GRIN2A: variants seen among roughly 807,000 people sequenced by gnomAD.
The protein encoded by GRIN2A is glutamate ionotropic receptor NMDA type subunit 2A.
A neutral mutation model predicts 113.4 loss-of-function variants in GRIN2A; 22 were observed. The ratio of observed to expected loss-of-function variants is 0.19; its 90% confidence interval spans 0.14 to 0.28. The LOEUF (loss-of-function observed/expected upper bound fraction) is 0.28, where lower values mean the gene tolerates loss of function less well. GRIN2A is among the 10% of genes least tolerant of loss of function. The pLI, the probability that GRIN2A is intolerant of heterozygous loss-of-function variation, is 1.00. For missense variants in GRIN2A, 1,502 were observed against 1,887.0 expected, an observed-to-expected ratio of 0.80 and a Z score of 3.78; for synonymous variants, 827 against 738.4, an observed-to-expected ratio of 1.12 and a Z score of -1.94.
intron 2 of GRIN2A, among the ~76,000 whole-genome samples, chr16:10,129,778 G>A (rs996498251): frequency 6.6e-6 from 1 of 152,228 alleles, no homozygotes; most frequent in African/African-American, 2.4e-5. Flanking sequence ...AGATGCATGT[G>A]ATTCAAGATA....
intron 10 of GRIN2A, among the ~76,000 whole-genome samples, chr16:9,817,240 G>C (rs1421329674): frequency 2.0e-5 from 3 of 152,148 alleles, no homozygotes; most frequent in Non-Finnish European, 4.4e-5. Context: ...ACAATGAATA[G>C]TGTGTTGGAC....
chr16:10,110,941 T>C (rs961654695), intron 2 of GRIN2A, among the ~76,000 whole-genome samples: 6 of 152,360 alleles, frequency 3.9e-5, no homozygotes, highest in Admixed American at 1.3e-4. Context: ...CAGTTTCTGC[T>C]ATTCAGGGAT....
At chr16:9,937,844 C>A in intron 3 of GRIN2A, 115 bp downstream of exon 3, 1 of 759,736 alleles carries the variant, frequency 1.3e-6, no homozygotes, top group Non-Finnish European at 2.3e-6. Flanking sequence ...CGTAAGTAAA[C>A]ACATAACATT....
At chr16:10,101,450 C>T (rs914016773) in intron 2 of GRIN2A, among the ~76,000 whole-genome samples, 15 of 152,148 alleles carry the variant, frequency 9.9e-5, no homozygotes, top group East Asian at 1.9e-4. Context: ...CTCCGAGCGC[C>T]GTGGAAGAGA....
intron 2 of GRIN2A, among the ~76,000 whole-genome samples, chr16:10,028,273 T>A (rs2046858914): frequency 6.6e-6 from 1 of 152,184 alleles, no homozygotes; most frequent in Non-Finnish European, 1.5e-5. Flanking sequence ...AGTCAGTAAG[T>A]GGCACAGCCA....
intron 4 of GRIN2A, among the ~76,000 whole-genome samples, chr16:9,869,519 T>TA (rs1478133253): frequency 6.6e-6 from 1 of 152,156 alleles, no homozygotes; most frequent in East Asian, 1.9e-4. Flanking sequence ...TTATCAACTA[T>TA]AATTATCTCT....
chr16:10,036,819 T>A (rs1473196831), intron 2 of GRIN2A, among the ~76,000 whole-genome samples: 4 of 152,038 alleles, frequency 2.6e-5, no homozygotes, highest in African/African-American at 9.7e-5. Context: ...CTGTGTCCAA[T>A]TTTCCCCTTT....
At chr16:9,788,507 C>T (rs906215656) in intron 11 of GRIN2A, among the ~76,000 whole-genome samples, 5 of 152,068 alleles carry the variant, frequency 3.3e-5, no homozygotes, top group Non-Finnish European at 7.4e-5. Flanking sequence ...ATTCACCTAC[C>T]TTGGCCTCCT....
intron 11 of GRIN2A, among the ~76,000 whole-genome samples, chr16:9,785,203 T>G (rs977184809): frequency 5.3e-4 from 80 of 152,014 alleles, no homozygotes; most frequent in Non-Finnish European, 9.9e-4. Flanking sequence ...TGTCCAACAA[T>G]GATAGACTGG....
intron 4 of GRIN2A, among the ~76,000 whole-genome samples, chr16:9,853,359 CA>C (rs2042916595): frequency 6.6e-6 from 1 of 152,154 alleles, no homozygotes; most frequent in African/African-American, 2.4e-5. Flanking sequence ...CTGATTAGGT[CA>C]TGAAGGTGGA....
chr16:9,929,134 C>T (rs1361158823), intron 3 of GRIN2A, among the ~76,000 whole-genome samples: 3 of 152,154 alleles, frequency 2.0e-5, no homozygotes, highest in African/African-American at 4.8e-5. Flanking sequence ...TGGTTTAAAC[C>T]CAGGCCCTCC....
At chr16:10,083,304 T>C (rs936440125) in intron 2 of GRIN2A, among the ~76,000 whole-genome samples, 1 of 152,222 alleles carries the variant, frequency 6.6e-6, no homozygotes, top group Admixed American at 6.5e-5. Context: ...CGAGTGCTTA[T>C]GTACATGAGA....
intron 2 of GRIN2A, among the ~76,000 whole-genome samples, chr16:10,096,539 A>AAAACACACACACACACAC (rs367870878): frequency 2.9e-5 from 4 of 137,670 alleles, no homozygotes; most frequent in Non-Finnish European, 4.7e-5. Flanking sequence ...ATTGTGGTAA[A>AAAACACACACACACACAC]ACACACACAC....
At chr16:10,163,173 TG>T (rs1475827917) in intron 2 of GRIN2A, among the ~76,000 whole-genome samples, 3 of 151,654 alleles carry the variant, frequency 2.0e-5, no homozygotes, top group African/African-American at 4.8e-5. Context: ...AACATGGGAG[TG>T]GGGAGTGGGC....
At chr16:10,052,278 A>T (rs1266527094) in intron 2 of GRIN2A, among the ~76,000 whole-genome samples, 1 of 152,246 alleles carries the variant, frequency 6.6e-6, no homozygotes, top group Non-Finnish European at 1.5e-5. Flanking sequence ...GATCACATTT[A>T]ATCTTCCTTT....
Position 10,180,335 on chromosome 16 carries a change from G to A in GRIN2A, c.77C>T (p.Ala26Val), listed in dbSNP as rs765986049. ...TAGCGCGGGGGGACCCTTCTCCGCCGCCGCGCTCGGCGCCGGACCGCGCCA... is the reference window on the plus strand; with the variant it reads ...TAGCGCGGGGGGACCCTTCTCCGCCACCGCGCTCGGCGCCGGACCGCGCCA... ...LVWRGPAPSAAAEKGPPALNI... is the reference protein window; with the variant it reads ...LVWRGPAPSAVAEKGPPALNI... Residue 26 changes from alanine (A) to valine (V), a missense_variant, in exon 2 of 13, where the codon GCG (alanine) becomes GTG (valine). Coordinates refer to ENST00000330684, the MANE Select transcript of GRIN2A (RefSeq NM_001134407.3). The surrounding 1 kb of genome is among the most constrained non-coding windows in gnomAD (Gnocchi z 7.0). 6 of 1,608,520 alleles carry A rather than the reference G, an allele frequency of 3.7e-6. No homozygotes were observed. The Middle Eastern group carries it at 5.0e-4, about 133-fold the overall frequency.
chr16:9,817,560 T>G (rs2141284064), intron 10 of GRIN2A, among the ~76,000 whole-genome samples: 1 of 152,356 alleles, frequency 6.6e-6, no homozygotes, highest in East Asian at 1.9e-4. Context: ...AAGAATCTCA[T>G]GAACTAGTTT....
chr16:9,935,512 T>TCACA (rs71157793), intron 3 of GRIN2A, among the ~76,000 whole-genome samples: 10,320 of 132,772 alleles, frequency 0.078, 508 homozygotes, highest in African/African-American at 0.12. Flanking sequence ...GTCTACTTCA[T>TCACA]CACACACACA....
chr16:10,073,441 A>G (rs60950183), intron 2 of GRIN2A, among the ~76,000 whole-genome samples: 21,210 of 152,026 alleles, frequency 0.14, 2,000 homozygotes, highest in African/African-American at 0.27. Context: ...CAGGGGAGGT[A>G]GTTTTGGCCA....
Sources: gnomAD v4.1 joint callset for allele counts (sites outside exome capture counted in the v4.1 genomes callset) on GRCh38, gnomAD v4.1.1 for gene constraint, Gnocchi (gnomAD v3.1) non-coding constraint, MANE v1.5 for transcripts, NCBI Gene and HGNC (gene_info 2026-07-23, HGNC 2026-07-21) for gene names.